The following SYCE1L variants were observed in gnomAD, a reference collection of about 807,000 sequenced individuals.
SYCE1L encodes the protein synaptonemal complex central element protein 1-like.
SYCE1L carries 51 observed loss-of-function variants against 39.6 expected under a neutral mutation model. That is an observed-to-expected ratio of 1.29 (90% CI 1.03 to 1.63). The LOEUF (loss-of-function observed/expected upper bound fraction) is 1.63. Among genes scored for constraint, SYCE1L ranks in the 40% most tolerant of loss-of-function variants. The pLI is 0.00. For missense variants in SYCE1L, 426 were observed against 304.9 expected (o/e 1.40, Z -2.96); for synonymous variants, 147 against 122.4 (o/e 1.20, Z -1.33).
At chr16:77,203,681 A>G (rs1036211411) in intron 1 of SYCE1L, among the ~76,000 whole-genome samples, 2 of 142,142 alleles carry the variant, frequency 1.4e-5, no homozygotes, top group African/African-American at 5.3e-5. Context: ...CGCAACCTCC[A>G]TCTCCCGGGT....
intron 1 of SYCE1L, among the ~76,000 whole-genome samples, chr16:77,203,274 G>T (rs986941736): frequency 3.3e-5 from 5 of 152,200 alleles, no homozygotes; most frequent in Admixed American, 3.3e-4. Flanking sequence ...TGGAGAAGGG[G>T]CTGCTGGTGA....
intron 1 of SYCE1L, among the ~76,000 whole-genome samples, chr16:77,204,913 C>T (rs11149971): frequency 0.88 from 133,731 of 151,816 alleles, 59,712 homozygotes; most frequent in East Asian, 0.99. Context: ...GGTGAGGCGG[C>T]GTGCGCCTTT....
chr16:77,205,879 C>A, intron 1 of SYCE1L, among the ~76,000 whole-genome samples: 1 of 152,060 alleles, frequency 6.6e-6, no homozygotes. Flanking sequence ...AGTCCTCAAA[C>A]TTAGCTGAAA....
At chr16:77,211,403 C>A in intron 7 of SYCE1L, 127 bp downstream of exon 7, 1 of 1,110,810 alleles carries the variant, frequency 9.0e-7, no homozygotes, top group South Asian at 1.4e-5. Flanking sequence ...CTTGCTTCCG[C>A]TTGCCCACCT....
In SYCE1L at chr16:77,209,153, C is replaced by T. The variant is rs1444025398; in HGVS notation, c.304+9C>T. ...CTTGGGCAAAAAGCAAGGTATTTAC[C>T]AGTTGCTGTGTCTTCCTTATTCTAC... On this transcript the variant is annotated intron_variant, in intron 5 of 10. Coordinates refer to ENST00000378644, the MANE Select transcript of SYCE1L (RefSeq NM_001129979.3). 2.6e-6 allele frequency: 4 copies of T among 1,551,594 alleles called. No homozygotes were observed. The highest frequency in any genetic ancestry group is 3.5e-6 in the Non-Finnish European group (4 of 1,146,880).
chr16:77,209,387 C>CA, intron 5 of SYCE1L, 30 bp from the exon 6 acceptor site: 1 of 1,551,570 alleles, frequency 6.4e-7, no homozygotes, highest in South Asian at 1.2e-5. Flanking sequence ...CAAGAGCTCT[C>CA]AAAGGGTCCC....
intron 1 of SYCE1L, among the ~76,000 whole-genome samples, chr16:77,203,678 T>G (rs1317464098): frequency 3.5e-5 from 5 of 142,002 alleles, no homozygotes; most frequent in Non-Finnish European, 6.1e-5. Context: ...CACCGCAACC[T>G]CCATCTCCCG....
At chr16:77,201,301 C>T (rs996163320) in intron 1 of SYCE1L, 2 of 152,110 alleles carry the variant, frequency 1.3e-5, no homozygotes, top group African/African-American at 4.8e-5. Context: ...CTGTGTAATG[C>T]AGCTGCCACT....
rs368487765 is a variant in SYCE1L, at chr16:77,212,425, C to T, written c.581+56C>T. 46 of 1,530,964 alleles carry T rather than the reference C, an allele frequency of 3.0e-5. No homozygotes were observed. The South Asian group carries it at 5.2e-4, about 17-fold the overall frequency. 94.8% of individuals were successfully genotyped at this position (1,530,964 alleles called of 1,614,324 possible). Reference sequence around the variant, plus strand: ...GGGCAGGGGCAGGGCGGAGGGGAACCCGCCCAGGTCCCCCGCTCCGCCCCC... The same window carrying T: ...GGGCAGGGGCAGGGCGGAGGGGAACTCGCCCAGGTCCCCCGCTCCGCCCCC... On this transcript the variant is annotated intron_variant, in intron 9 of 10. Transcript: ENST00000378644.
chr16:77,207,800 G>C lies in SYCE1L; in HGVS notation c.122-410G>C, dbSNP rs2054795696. Among the ~76,000 whole-genome samples, 4 of 152,248 alleles carry C rather than the reference G, an allele frequency of 2.6e-5. No individual in the cohort carries two copies. The South Asian group carries it at 8.3e-4, about 32-fold the overall frequency. On this transcript the variant is annotated intron_variant, in intron 2 of 10. Coordinates refer to ENST00000378644, the MANE Select transcript of SYCE1L (RefSeq NM_001129979.3). The stretch of plus-strand genomic sequence containing the variant: ...CCTCACCCGCTCCTGCCACACTACA[G>C]GGAATTTGCACTTGTTCCCTCTGCC...
chr16:77,212,938 A>G lies in SYCE1L; in HGVS notation c.*7A>G. ...TGCCCCTGACGCCCTCTAGGCCAGC[A>G]GGACCCGCCCGTTCCCGACCTTCCC... On this transcript the variant is annotated 3_prime_UTR_variant, in exon 11 of 11. Coordinates refer to ENST00000378644, the MANE Select transcript of SYCE1L (RefSeq NM_001129979.3). The G allele has an allele frequency of 6.6e-7, 1 of 1,509,310 alleles. No homozygotes were observed. Among genetic ancestry groups the G allele is most frequent in the Non-Finnish European group, 8.8e-7 (1 of 1,130,706 alleles). 93.5% of individuals were successfully genotyped at this position (1,509,310 alleles called of 1,614,324 possible).
At chr16:77,200,897 A>C (rs2054735056) in intron 1 of SYCE1L, 1 of 152,220 alleles carries the variant, frequency 6.6e-6, no homozygotes, top group Non-Finnish European at 1.5e-5. Context: ...ATGTGTACCT[A>C]TCAGTATGCT....
At chr16:77,211,732 T>C (rs1317977434) in intron 7 of SYCE1L, among the ~76,000 whole-genome samples, 1 of 152,104 alleles carries the variant, frequency 6.6e-6, no homozygotes, top group African/African-American at 2.4e-5. Flanking sequence ...AGTTAGTGGC[T>C]AGATCGTGGA....
At position 77,206,451 on chromosome 16, in the gene SYCE1L, G is replaced by A. The variant is rs1238854154; in HGVS notation, c.72G>A (p.Lys24=). The A allele has an allele frequency of 1.3e-6, 2 of 1,551,502 alleles. No homozygotes were observed. The highest frequency in any genetic ancestry group is 2.7e-5 in the African/African-American group (2 of 73,000). The change falls in exon 2 of 11, where the codon AAG becomes AAA. Residue 24 remains lysine, a synonymous_variant. Coordinates refer to ENST00000378644, the MANE Select transcript of SYCE1L (RefSeq NM_001129979.3). ...TTTTCCTTTCTACAGGGCAAGCCAAGTCTTTGAAGACTGAAGACTTGCTGG... is the reference window on the plus strand; with the variant it reads ...TTTTCCTTTCTACAGGGCAAGCCAAATCTTTGAAGACTGAAGACTTGCTGG... ...EATEEAEGQA[K]SLKTEDLLAM... is the part of the protein sequence containing the mutation.
chr16:77,200,208 T>C (rs1422075142), intron 1 of SYCE1L: 1 of 141,418 alleles, frequency 7.1e-6, no homozygotes, highest in Non-Finnish European at 1.5e-5. Flanking sequence ...GTATGTGTAT[T>C]TATATGTATG....
At chr16:77,207,085 C>T (rs1166494032) in intron 2 of SYCE1L, among the ~76,000 whole-genome samples, 1 of 152,208 alleles carries the variant, frequency 6.6e-6, no homozygotes, top group Non-Finnish European at 1.5e-5. Flanking sequence ...ACTGGGACTG[C>T]TGCCTACGGT....
chr16:77,199,539 C>G, intron 1 of SYCE1L, 27 bp downstream of exon 1: 1 of 1,522,052 alleles, frequency 6.6e-7, no homozygotes, highest in Non-Finnish European at 8.9e-7. Context: ...GGCTGCACTC[C>G]TTTCTCTCCA....
rs2054807981 is a variant in SYCE1L, at chr16:77,209,442, C to T, written c.330C>T (p.His110=). The T allele has an allele frequency of 4.5e-6, 7 of 1,551,610 alleles. No homozygotes were observed. The East Asian group carries it at 9.8e-5, about 22-fold the overall frequency. The change falls in exon 6 of 11, where the codon CAC becomes CAT. Residue 110 remains histidine, a synonymous_variant. Transcript: ENST00000378644. ...KQEALRILQM[H]CQEKESEAQR... ...AGGCACTGAGGATCCTCCAGATGCA[C>T]TGCCAAGAGAAGGAAAGCGAGGCTC...
At position 77,213,175 on chromosome 16, in the gene SYCE1L, C is replaced by T. The variant is rs1597040505; in HGVS notation, c.*244C>T. On this transcript the variant is annotated 3_prime_UTR_variant, in exon 11 of 11. Coordinates refer to ENST00000378644, the MANE Select transcript of SYCE1L (RefSeq NM_001129979.3). ...GAGAGTAAGTGGGTGTCAGTATCCC[C>T]CGCCCCACGGCCTCATCTCGAGTTC... 1.3e-5 allele frequency: 5 copies of T among 396,758 alleles called. No homozygotes were observed. Among genetic ancestry groups the T allele is most frequent in the Non-Finnish European group, 2.2e-5 (5 of 224,876 alleles). The allele number at this position is 396,758 out of a possible 1,614,324, so 24.6% of individuals were successfully genotyped here. A position where few individuals can be genotyped will look rare whatever the true frequency, so the allele number is the denominator to read the frequency against.
Sources: allele counts gnomAD v4.1 joint callset (sites outside exome capture counted in the v4.1 genomes callset), GRCh38; gene constraint gnomAD v4.1.1; transcripts MANE v1.5; gene names NCBI Gene and HGNC (gene_info 2026-07-23, HGNC 2026-07-21).